CACNA1I: variants seen among roughly 807,000 people sequenced by gnomAD.
CACNA1I encodes voltage-dependent T-type calcium channel subunit alpha-1I.
CACNA1I carries 74 observed loss-of-function variants against 201.6 expected under a neutral mutation model. That is an observed-to-expected ratio of 0.37 (90% CI 0.30 to 0.45). The LOEUF is 0.45. Among genes scored for constraint, CACNA1I ranks in the 20% least tolerant of loss-of-function variants. The pLI, the probability that CACNA1I is intolerant of heterozygous loss-of-function variation, is 1.00. For synonymous variants in CACNA1I, 1,431 were observed against 1,345.2 expected, an observed-to-expected ratio of 1.06 and a Z score of -1.40; for missense variants, 2,346 against 3,138.1, an observed-to-expected ratio of 0.75 and a Z score of 6.03.
intron 26 of CACNA1I, among the ~76,000 whole-genome samples, chr22:39,671,201 GTGGCTTGCACATGGGTGGCAA>G (rs1935367390): frequency 6.6e-6 from 1 of 152,206 alleles, no homozygotes; most frequent in Admixed American, 6.5e-5. Context: ...GATTTGGACC[GTGGCTTGCACATGGGTGGCAA>G]TGACTGTGAT....
At chr22:39,640,777 C>T (rs1934332125) in intron 5 of CACNA1I, 90 bp from the exon 6 acceptor site, 22 of 1,081,750 alleles carry the variant, frequency 2.0e-5, no homozygotes, top group South Asian at 3.1e-5. Flanking sequence ...ACAAGGCCAT[C>T]CTGCTATGCT....
At chr22:39,575,780 A>T (rs1268937211) in intron 1 of CACNA1I, among the ~76,000 whole-genome samples, 12 of 144,598 alleles carry the variant, frequency 8.3e-5, no homozygotes, top group African/African-American at 2.8e-4. Flanking sequence ...CTTTTCTTTC[A>T]TTTTTTTTTT....
At chr22:39,586,660 AG>A (rs1222846904) in intron 1 of CACNA1I, among the ~76,000 whole-genome samples, 1 of 152,164 alleles carries the variant, frequency 6.6e-6, no homozygotes, top group African/African-American at 2.4e-5. Context: ...CACGTGTATA[AG>A]GGGTGCAGGT....
At chr22:39,681,130 C>G in intron 34 of CACNA1I, 78 bp downstream of exon 34, 3 of 1,488,126 alleles carry the variant, frequency 2.0e-6, no homozygotes, top group Non-Finnish European at 2.7e-6. Context: ...CAGGACCCCC[C>G]TGTCTTTCCA....
intron 26 of CACNA1I, among the ~76,000 whole-genome samples, 164 bp downstream of exon 26, chr22:39,671,118 C>G (rs1051284837): frequency 6.6e-6 from 1 of 152,100 alleles, no homozygotes. Context: ...GAGGAGGTGC[C>G]GGACAAGCTT....
chr22:39,677,853 G>A lies in CACNA1I; in HGVS notation c.4934-134G>A. On this transcript the variant is annotated intron_variant, in intron 30 of 36. Coordinates refer to ENST00000402142, the MANE Select transcript of CACNA1I (RefSeq NM_021096.4). This position sits in a 1 kb window ranked among gnomAD's most constrained non-coding sequence, Gnocchi z 4.8. ...CATCTCCCCGAGCCTCAGTTTATCT[G>A]TGGGCTGGGCACAGTCTGCAGGCCC... The A allele has an allele frequency of 9.8e-7, 1 of 1,018,454 alleles. No homozygotes were observed. Among genetic ancestry groups the A allele is most frequent in the Non-Finnish European group, 1.4e-6 (1 of 719,398 alleles). The allele number at this position is 1,018,454 out of a possible 1,614,324, so 63.1% of individuals were successfully genotyped here. A position where few individuals can be genotyped will look rare whatever the true frequency, so the allele number is the denominator to read the frequency against.
At position 39,686,605 on chromosome 22, in the gene CACNA1I, C is replaced by A; in HGVS notation, c.*200C>A. 1 of 103,668 alleles carries A rather than the reference C, an allele frequency of 9.6e-6. No homozygotes were observed. The highest frequency in any genetic ancestry group is 1.8e-5 in the Non-Finnish European group (1 of 55,770). 6.4% of individuals were successfully genotyped at this position (103,668 alleles called of 1,614,324 possible). ...CATGGTGGCCCTTCCAGTGCATATA[C>A]ATACATATATATATATATATGCATA... On this transcript the variant is annotated 3_prime_UTR_variant, in exon 37 of 37. Transcript: ENST00000402142.
intron 3 of CACNA1I, among the ~76,000 whole-genome samples, chr22:39,604,082 T>C (rs574067129): frequency 1.3e-5 from 2 of 152,296 alleles, no homozygotes; most frequent in East Asian, 3.9e-4. Context: ...GTGCCCTCCT[T>C]TTGCCGTATT....
At position 39,679,773 on chromosome 22, in the gene CACNA1I, G is replaced by A; in HGVS notation, c.5446G>A (p.Gly1816Arg). ...TTTAATCATCAAGGACTCCTTGGAG[G>A]GGGAGCTGACCATCATCGACAACCT... ...VSLIIKDSLE[G>R]ELTIIDNLSG... Residue 1816 changes from glycine (G) to arginine (R), a missense_variant, in exon 33 of 37, where the codon GGG (glycine) becomes AGG (arginine). By Grantham distance (125) the Gly-to-Arg change is moderately radical. Transcript: ENST00000402142. 6.2e-7 allele frequency: 1 copy of A among 1,613,006 alleles called. No individual in the cohort carries two copies. Among genetic ancestry groups the A allele is most frequent in the Non-Finnish European group, 8.5e-7 (1 of 1,179,596 alleles).
chr22:39,653,725 A>G (rs990031189), intron 10 of CACNA1I, among the ~76,000 whole-genome samples: 10 of 152,190 alleles, frequency 6.6e-5, no homozygotes, highest in African/African-American at 2.2e-4. Context: ...TGCTTGAATG[A>G]CAGGTTAGAT....
intron 2 of CACNA1I, among the ~76,000 whole-genome samples, chr22:39,600,083 C>G (rs1932991631): frequency 6.6e-6 from 1 of 152,176 alleles, no homozygotes; most frequent in Non-Finnish European, 1.5e-5. Flanking sequence ...GGGCAAGTTG[C>G]TTAACCTCTC....
intron 11 of CACNA1I, among the ~76,000 whole-genome samples, chr22:39,658,582 C>G (rs1318888797): frequency 1.3e-5 from 2 of 152,230 alleles, no homozygotes; most frequent in Non-Finnish European, 2.9e-5. Context: ...CGTGAAGACA[C>G]CAGTTACTTT....
chr22:39,667,103 C>T (rs549084374), intron 23 of CACNA1I, among the ~76,000 whole-genome samples: 1 of 152,194 alleles, frequency 6.6e-6, no homozygotes, highest in Non-Finnish European at 1.5e-5. Flanking sequence ...CCTCAGTGGC[C>T]CTTACCAGCC....
At chr22:39,591,158 CT>C (rs132581) in intron 1 of CACNA1I, among the ~76,000 whole-genome samples, 53,427 of 129,312 alleles carry the variant, frequency 0.41, 10,948 homozygotes, top group Non-Finnish European at 0.49. Context: ...GGCCTGGATT[CT>C]TTTTTTTTTT....
chr22:39,593,193 C>A (rs1312082446), intron 1 of CACNA1I, among the ~76,000 whole-genome samples: 1 of 152,098 alleles, frequency 6.6e-6, no homozygotes, highest in Non-Finnish European at 1.5e-5. Flanking sequence ...GCAGCGGCCA[C>A]CAGCACTGCT....
At position 39,570,781 on chromosome 22, in the gene CACNA1I, C is replaced by T; in HGVS notation, c.29C>T (p.Ser10Leu). Residue 10 changes from serine to leucine, a missense_variant, in exon 1 of 37, where the codon TCA (serine) becomes TTA (leucine). By Grantham distance (145) the Ser-to-Leu change is moderately radical (BLOSUM62 -2). Around this residue, in one of 13 missense-constraint regions of CACNA1I, gnomAD observed 130 missense variants for 160.7 expected, o/e 0.81. Coordinates refer to ENST00000402142, the MANE Select transcript of CACNA1I (RefSeq NM_021096.4). Reference protein sequence around the residue: MAESASPPSSSAAAPAAEPG... With the variant: MAESASPPSLSAAAPAAEPG... Reference sequence around the variant, plus strand: ...GCTGAGAGCGCCTCCCCGCCCTCCTCATCTGCAGCAGCCCCAGCCGCTGAG... The same window carrying T: ...GCTGAGAGCGCCTCCCCGCCCTCCTTATCTGCAGCAGCCCCAGCCGCTGAG... 1 of 1,611,618 alleles carries T rather than the reference C, an allele frequency of 6.2e-7. No individual in the cohort carries two copies.
At chr22:39,678,454 G>A (rs1315670436) in intron 31 of CACNA1I, among the ~76,000 whole-genome samples, 1 of 152,216 alleles carries the variant, frequency 6.6e-6, no homozygotes, top group African/African-American at 2.4e-5. Flanking sequence ...AGGTCACCCG[G>A]CAGAGGCTCC....
chr22:39,600,677 T>C (rs771007686), intron 3 of CACNA1I, 24 bp downstream of exon 3: 2 of 1,580,214 alleles, frequency 1.3e-6, no homozygotes, highest in Non-Finnish European at 1.7e-6. Flanking sequence ...GCCAGGCAGG[T>C]CCTAGCCTCT....
chr22:39,596,331 G>GAGATGGCGGAGA lies in CACNA1I; in HGVS notation c.237-1820_237-1819insAGATGGCGGAGA. On this transcript the variant is annotated intron_variant, in intron 1 of 36. Transcript: ENST00000402142. ...GAGGGAGATGGGGGGCAGGGCGGAGGGAGATGGGGGAGCAGGGCGGAGAGA... is the reference window on the plus strand; with the variant it reads ...GAGGGAGATGGGGGGCAGGGCGGAGGAGATGGCGGAGAGAGATGGGGGAGCAGGGCGGAGAGA... 3.3e-3 allele frequency among the ~76,000 whole-genome samples: 5 copies of GAGATGGCGGAGA among 1,498 alleles called. 2 individuals carry two copies. Among genetic ancestry groups the GAGATGGCGGAGA allele is most frequent in the African/African-American group, 0.017 (5 of 288 alleles). The allele number at this position is 1,498 out of a possible 152,430, so 1.0% of individuals were successfully genotyped here. A position where few individuals can be genotyped will look rare whatever the true frequency, so the allele number is the denominator to read the frequency against.
Sources: allele counts gnomAD v4.1 joint callset (sites outside exome capture counted in the v4.1 genomes callset), GRCh38; gene constraint gnomAD v4.1.1; regional missense constraint gnomAD v4.1.1; non-coding constraint Gnocchi (gnomAD v3.1); transcripts MANE v1.5; gene names NCBI Gene and HGNC (gene_info 2026-07-23, HGNC 2026-07-21).